Variants in RTF1 observed in about 807,000 individuals in gnomAD.
RTF1 encodes the protein RTF1 homolog, Paf1/RNA polymerase II complex component.
A neutral mutation model predicts 95.7 loss-of-function variants in RTF1; 10 were observed. The ratio of observed to expected loss-of-function variants is 0.10; its 90% CI spans 0.06 to 0.18. The LOEUF (loss-of-function observed/expected upper bound fraction) is 0.18. Among genes scored for constraint, RTF1 ranks in the 10% least tolerant of loss-of-function variants. RTF1 has a pLI of 1.00. For synonymous variants in RTF1, 305 were observed against 311.8 expected (o/e 0.98, Z 0.23); for missense variants, 458 against 875.6 (o/e 0.52, Z 6.02).
chr15:41,480,366 A>G, intron 17 of RTF1, 41 bp downstream of exon 17: 3 of 1,348,466 alleles, frequency 2.2e-6, no homozygotes, highest in Non-Finnish European at 2.1e-6. Flanking sequence ...TGAGAACCAG[A>G]TGGATCCATG....
intron 16 of RTF1, 94 bp downstream of exon 16, chr15:41,479,292 C>T (rs915319527): frequency 5.0e-6 from 4 of 794,410 alleles, no homozygotes; most frequent in Admixed American, 2.3e-5. Context: ...ATTTTTCCAC[C>T]TTGAGGAACA....
intron 8 of RTF1, among the ~76,000 whole-genome samples, chr15:41,472,645 G>A (rs1253198639): frequency 6.6e-6 from 1 of 151,416 alleles, no homozygotes; most frequent in Admixed American, 6.6e-5. Flanking sequence ...CAGCCTCCAA[G>A]TAGCTGGGAC....
intron 1 of RTF1, among the ~76,000 whole-genome samples, chr15:41,431,863 C>A (rs1250651118): frequency 6.6e-6 from 1 of 151,628 alleles, no homozygotes; most frequent in Admixed American, 6.6e-5. Flanking sequence ...TGCAGTGGCA[C>A]GATCTTGGCC....
intron 1 of RTF1, among the ~76,000 whole-genome samples, chr15:41,433,970 C>G (rs998676562): frequency 2.0e-5 from 3 of 151,444 alleles, no homozygotes; most frequent in African/African-American, 7.3e-5. Context: ...CTCAGCCTCC[C>G]GAGTAGCTAG....
chr15:41,475,417 A>G lies in RTF1; in HGVS notation c.1287-108A>G, dbSNP rs996200129. 7 of 805,348 alleles carry G rather than the reference A, an allele frequency of 8.7e-6. No individual in the cohort carries two copies. In the African/African-American group the frequency reaches 1.2e-4, roughly 14 times the overall value. The allele number at this position is 805,348 out of a possible 1,614,324, so 49.9% of individuals were successfully genotyped here. A position where few individuals can be genotyped will look rare whatever the true frequency, so the allele number is the denominator to read the frequency against. ...TTTTATAGGGTAGCTAGGATTGAGAACCACTGCAATAGGTATATATAGGTG... is the reference window on the plus strand; with the variant it reads ...TTTTATAGGGTAGCTAGGATTGAGAGCCACTGCAATAGGTATATATAGGTG... On this transcript the variant is annotated intron_variant, in intron 9 of 17. Coordinates refer to ENST00000389629, the MANE Select transcript of RTF1 (RefSeq NM_015138.5).
intron 14 of RTF1, 111 bp downstream of exon 14, chr15:41,477,626 T>G: frequency 1.1e-6 from 1 of 900,954 alleles, no homozygotes; most frequent in South Asian, 1.4e-5. Context: ...CGTAGGCACT[T>G]AACGTATACA....
At chr15:41,418,778 C>T (rs1318013205) in intron 1 of RTF1, among the ~76,000 whole-genome samples, 1 of 140,854 alleles carries the variant, frequency 7.1e-6, no homozygotes. Context: ...GAGCGAAACT[C>T]CATCACAAAA....
Position 41,432,934 on chromosome 15 carries a change from G to A in RTF1, c.199-5387G>A, listed in dbSNP as rs536266905. On this transcript the variant is annotated intron_variant, in intron 1 of 17. Transcript: ENST00000389629. Reference sequence around the variant, plus strand: ...GCTTGGGCAACAAGAGTGAAACTCCGTCTCACAAAAAAAAGAAAAACAAAC... The same window carrying A: ...GCTTGGGCAACAAGAGTGAAACTCCATCTCACAAAAAAAAGAAAAACAAAC... Among the ~76,000 whole-genome samples the A allele has an allele frequency of 5.3e-5, 8 of 149,778 alleles. No homozygotes were observed. In the East Asian group the frequency reaches 8.1e-4, roughly 15 times the overall value.
intron 2 of RTF1, among the ~76,000 whole-genome samples, chr15:41,448,013 C>T (rs1012713032): frequency 6.6e-6 from 1 of 152,156 alleles, no homozygotes; most frequent in South Asian, 2.1e-4. Flanking sequence ...CATTTTCCCT[C>T]TGTCTCAGAA....
At chr15:41,436,623 CAAAAAAAA>C in intron 1 of RTF1, among the ~76,000 whole-genome samples, 1 of 50,832 alleles carries the variant, frequency 2.0e-5, no homozygotes, top group East Asian at 6.1e-4. Flanking sequence ...GACTCTGTCT[CAAAAAAAA>C]AAAAAAAAAA....
At chr15:41,432,068 G>C (rs2050677715) in intron 1 of RTF1, among the ~76,000 whole-genome samples, 1 of 151,972 alleles carries the variant, frequency 6.6e-6, no homozygotes, top group Non-Finnish European at 1.5e-5. Context: ...CAAAATGCTG[G>C]GATTACAGGC....
intron 2 of RTF1, among the ~76,000 whole-genome samples, chr15:41,438,718 A>G (rs2050717471): frequency 1.3e-5 from 2 of 151,836 alleles, no homozygotes; most frequent in South Asian, 2.1e-4. Context: ...AAAATTAGCC[A>G]GGCGTGGTGG....
At chr15:41,474,227 C>A (rs2050930865) in intron 8 of RTF1, among the ~76,000 whole-genome samples, 1 of 152,124 alleles carries the variant, frequency 6.6e-6, no homozygotes. Flanking sequence ...TGTGTGTTAT[C>A]CCCTTGTATG....
chr15:41,475,020 C>T (rs1566849580), intron 9 of RTF1, among the ~76,000 whole-genome samples: 1 of 152,182 alleles, frequency 6.6e-6, no homozygotes. Flanking sequence ...GGTTCTGGCT[C>T]TATGTCATAA....
At chr15:41,447,921 T>C (rs1343262323) in intron 2 of RTF1, among the ~76,000 whole-genome samples, 1 of 152,204 alleles carries the variant, frequency 6.6e-6, no homozygotes, top group Non-Finnish European at 1.5e-5. Flanking sequence ...TCCTTCTGGA[T>C]GGGGAAAGTA....
chr15:41,475,280 G>A (rs1302514822), intron 9 of RTF1, among the ~76,000 whole-genome samples: 1 of 152,218 alleles, frequency 6.6e-6, no homozygotes, highest in Non-Finnish European at 1.5e-5. Context: ...GATGTTGACT[G>A]TAATGGATTT....
At chr15:41,423,135 A>G (rs967978011) in intron 1 of RTF1, among the ~76,000 whole-genome samples, 3 of 152,160 alleles carry the variant, frequency 2.0e-5, no homozygotes, top group Admixed American at 6.6e-5. Flanking sequence ...TTATTATTAT[A>G]AAGTATACTT....
intron 8 of RTF1, among the ~76,000 whole-genome samples, chr15:41,472,168 G>T (rs1042828316): frequency 1.3e-5 from 2 of 149,998 alleles, no homozygotes; most frequent in Non-Finnish European, 3.0e-5. Context: ...AAGTGCTGGC[G>T]TGAGCCACCG....
chr15:41,480,732 C>G lies in RTF1; in HGVS notation c.*45C>G. 7.4e-7 allele frequency: 1 copy of G among 1,347,308 alleles called. No homozygotes were observed. The highest frequency in any genetic ancestry group is 1.1e-6 in the Non-Finnish European group (1 of 937,652). 83.5% of individuals were successfully genotyped at this position (1,347,308 alleles called of 1,614,324 possible). On this transcript the variant is annotated 3_prime_UTR_variant, in exon 18 of 18. Transcript: ENST00000389629. ...TCTGACCCTGCATGCCCCATCGCAGCGTCCCACCTTTCCTCCTTTCCTTTG... is the reference window on the plus strand; with the variant it reads ...TCTGACCCTGCATGCCCCATCGCAGGGTCCCACCTTTCCTCCTTTCCTTTG...
Sources: gnomAD v4.1 joint callset for allele counts (sites outside exome capture counted in the v4.1 genomes callset) on GRCh38, gnomAD v4.1.1 for gene constraint, MANE v1.5 for transcripts, NCBI Gene and HGNC (gene_info 2026-07-23, HGNC 2026-07-21) for gene names.